The following ALDH1A2 variants were observed in gnomAD, a reference collection of about 807,000 sequenced individuals.
The protein encoded by ALDH1A2 is aldehyde dehydrogenase 1 family member A2.
In ALDH1A2, 27 loss-of-function variants were observed where a neutral mutation model predicts 60.3. The ratio of observed to expected loss-of-function variants is 0.45; its 90% CI spans 0.33 to 0.62. The LOEUF is 0.62. ALDH1A2 is among the 20% of genes least tolerant of loss of function. The pLI, the probability that ALDH1A2 is intolerant of heterozygous loss-of-function variation, is 0.02. For synonymous variants in ALDH1A2, 289 were observed against 232.4 expected (o/e 1.24, Z -2.21); for missense variants, 581 against 643.8 (o/e 0.90, Z 1.06).
intron 1 of ALDH1A2, among the ~76,000 whole-genome samples, chr15:58,064,060 A>T (rs942263487): frequency 2.0e-5 from 3 of 152,106 alleles, no homozygotes; most frequent in Admixed American, 1.3e-4. Context: ...ATAAGACTAA[A>T]ATCAAACCTT....
intron 1 of ALDH1A2, among the ~76,000 whole-genome samples, chr15:58,035,674 T>G (rs2140548337): frequency 6.6e-6 from 1 of 151,890 alleles, no homozygotes; most frequent in African/African-American, 2.4e-5. Context: ...AACTCATGTG[T>G]TATTCAGAAG....
chr15:57,988,275 G>C (rs570074049), intron 7 of ALDH1A2, among the ~76,000 whole-genome samples: 1 of 152,292 alleles, frequency 6.6e-6, no homozygotes, highest in Non-Finnish European at 1.5e-5. Context: ...GGTAGACTGT[G>C]ATTGAGGTGC....
intron 12 of ALDH1A2, among the ~76,000 whole-genome samples, chr15:57,957,326 C>T (rs1172085365): frequency 2.0e-5 from 3 of 152,134 alleles, no homozygotes; most frequent in South Asian, 2.1e-4. Flanking sequence ...GATTCTTGAA[C>T]GCTACCCCCA....
At chr15:58,049,237 T>TC (rs1896712319) in intron 1 of ALDH1A2, among the ~76,000 whole-genome samples, 1 of 152,060 alleles carries the variant, frequency 6.6e-6, no homozygotes, top group Non-Finnish European at 1.5e-5. Flanking sequence ...TGTCCTAAGA[T>TC]CCAGTTGTGC....
intron 4 of ALDH1A2, among the ~76,000 whole-genome samples, chr15:58,001,034 TAAAAA>T (rs10641902): frequency 7.9e-6 from 1 of 126,240 alleles, no homozygotes; most frequent in African/African-American, 2.9e-5. Context: ...TCAAAATTGT[TAAAAA>T]AAAAAAAAAA....
At chr15:57,997,053 G>A (rs373594748) in intron 4 of ALDH1A2, among the ~76,000 whole-genome samples, 19 of 151,944 alleles carry the variant, frequency 1.3e-4, no homozygotes, top group African/African-American at 3.9e-4. Context: ...TTTGTTTTAT[G>A]TATATTTTAA....
At chr15:58,046,153 T>G (rs139372661) in intron 1 of ALDH1A2, among the ~76,000 whole-genome samples, 1 of 152,032 alleles carries the variant, frequency 6.6e-6, no homozygotes, top group Non-Finnish European at 1.5e-5. Context: ...CACAAAGGAA[T>G]AGATATCTCA....
chr15:58,051,517 T>G (rs753210760), intron 1 of ALDH1A2, among the ~76,000 whole-genome samples: 1 of 152,130 alleles, frequency 6.6e-6, no homozygotes, highest in Non-Finnish European at 1.5e-5. Context: ...ATAAACCTCA[T>G]GTTGGAGGTC....
At chr15:58,023,247 G>C (rs369323927) in intron 1 of ALDH1A2, among the ~76,000 whole-genome samples, 21 of 152,204 alleles carry the variant, frequency 1.4e-4, no homozygotes, top group East Asian at 3.9e-4. Context: ...TAATCTTCAA[G>C]ACAGGTCTTT....
chr15:57,987,563 C>T (rs1425597830), intron 7 of ALDH1A2, among the ~76,000 whole-genome samples: 1 of 151,874 alleles, frequency 6.6e-6, no homozygotes, highest in Non-Finnish European at 1.5e-5. Context: ...AATTTTATAT[C>T]CAGAAAAAAA....
chr15:58,041,192 T>C (rs924637002), intron 1 of ALDH1A2, among the ~76,000 whole-genome samples: 14 of 151,940 alleles, frequency 9.2e-5, no homozygotes, highest in Non-Finnish European at 1.6e-4. Context: ...TCACCAAGTA[T>C]CTATGCCTGC....
At chr15:58,027,006 A>G (rs566172481) in intron 1 of ALDH1A2, among the ~76,000 whole-genome samples, 83 of 152,342 alleles carry the variant, frequency 5.4e-4, no homozygotes, top group African/African-American at 1.8e-3. Context: ...AGACAGGGAC[A>G]GCTCTGAAGA....
intron 7 of ALDH1A2, among the ~76,000 whole-genome samples, chr15:57,978,182 A>C (rs139164718): frequency 9.5e-5 from 14 of 148,136 alleles, no homozygotes; most frequent in South Asian, 6.2e-4. Flanking sequence ...AATACCCTTT[A>C]TTTCTTTCTT....
intron 1 of ALDH1A2, among the ~76,000 whole-genome samples, chr15:58,025,736 T>C (rs953076786): frequency 6.6e-6 from 1 of 152,198 alleles, no homozygotes; most frequent in Non-Finnish European, 1.5e-5. Context: ...ATATGAGAAG[T>C]AGGGTGCCAG....
intron 1 of ALDH1A2, among the ~76,000 whole-genome samples, chr15:58,024,255 A>G (rs1199578434): frequency 6.6e-6 from 1 of 152,208 alleles, no homozygotes; most frequent in Non-Finnish European, 1.5e-5. Flanking sequence ...AGAATATATA[A>G]AACAACCAGA....
At chr15:58,000,183 C>T (rs537045860) in intron 4 of ALDH1A2, among the ~76,000 whole-genome samples, 1 of 152,066 alleles carries the variant, frequency 6.6e-6, no homozygotes, top group South Asian at 2.1e-4. Flanking sequence ...CAAACCTGCA[C>T]AGGTAATCCA....
At chr15:57,981,980 G>A (rs1894531125) in intron 7 of ALDH1A2, among the ~76,000 whole-genome samples, 1 of 152,100 alleles carries the variant, frequency 6.6e-6, no homozygotes, top group South Asian at 2.1e-4. Flanking sequence ...GTCATCCCAT[G>A]GTGAAAGATG....
chr15:57,994,716 T>C (rs752032057), intron 5 of ALDH1A2, among the ~76,000 whole-genome samples: 2 of 152,154 alleles, frequency 1.3e-5, no homozygotes, highest in African/African-American at 4.8e-5. Context: ...TAAAATAATA[T>C]GCCTGGAAGG....
Position 57,984,736 on chromosome 15 carries a change from C to T in ALDH1A2, c.798+7969G>A, listed in dbSNP as rs1289129899. On this transcript the variant is annotated intron_variant, in intron 7 of 12. Coordinates refer to ENST00000249750, the MANE Select transcript of ALDH1A2 (RefSeq NM_003888.4). ...AACAGTATTCCATTGTATGGATAGA[C>T]CACTTTTTGTTAATCCGCTTATCAT... 3.3e-5 allele frequency among the ~76,000 whole-genome samples: 5 copies of T among 152,156 alleles called. No individual in the cohort carries two copies. In the South Asian group the frequency reaches 8.3e-4, roughly 25 times the overall value.
Sources: gnomAD v4.1 joint callset for allele counts (sites outside exome capture counted in the v4.1 genomes callset) on GRCh38, gnomAD v4.1.1 for gene constraint, MANE v1.5 for transcripts, NCBI Gene and HGNC (gene_info 2026-07-23, HGNC 2026-07-21) for gene names.